The following PLXNA2 variants were observed in gnomAD, a reference collection of about 807,000 sequenced individuals.
PLXNA2 encodes plexin-A2.
A neutral mutation model predicts 193.5 loss-of-function variants in PLXNA2; 91 were observed. The ratio of observed to expected loss-of-function variants is 0.47; its 90% CI spans 0.40 to 0.56. The LOEUF (loss-of-function observed/expected upper bound fraction) is 0.56, where lower values mean the gene tolerates loss of function less well. Among genes scored for constraint, PLXNA2 ranks in the 20% least tolerant of loss-of-function variants. The pLI, the probability that PLXNA2 is intolerant of heterozygous loss-of-function variation, is 0.00. For missense variants in PLXNA2, 1,995 were observed against 2,503.2 expected, an observed-to-expected ratio of 0.80 and a Z score of 4.33; for synonymous variants, 997 against 1,027.3, an observed-to-expected ratio of 0.97 and a Z score of 0.56.
intron 4 of PLXNA2, among the ~76,000 whole-genome samples, chr1:208,138,308 G>A (rs1668361160): frequency 6.6e-6 from 1 of 152,186 alleles, no homozygotes; most frequent in Admixed American, 6.5e-5. Context: ...AGTTGGCTTC[G>A]TGTTAGATGA....
intron 3 of PLXNA2, among the ~76,000 whole-genome samples, chr1:208,199,769 C>T (rs1670481312): frequency 1.3e-5 from 2 of 152,156 alleles, no homozygotes; most frequent in African/African-American, 2.4e-5. Context: ...ACCTGGGTTC[C>T]AGTCTTGCCT....
At chr1:208,119,914 T>A (rs1343763679) in intron 4 of PLXNA2, among the ~76,000 whole-genome samples, 1 of 152,220 alleles carries the variant, frequency 6.6e-6, no homozygotes, top group Non-Finnish European at 1.5e-5. Flanking sequence ...GCACCTGGCC[T>A]TCTCCGGAAC....
intron 5 of PLXNA2, among the ~76,000 whole-genome samples, chr1:208,102,598 G>C (rs1667131380): frequency 6.6e-6 from 1 of 152,136 alleles, no homozygotes; most frequent in African/African-American, 2.4e-5. Flanking sequence ...GCCTTTTCTG[G>C]GCTTCCTTAT....
chr1:208,051,083 T>G lies in PLXNA2; in HGVS notation c.3181A>C (p.Ile1061Leu). 1.9e-6 allele frequency: 3 copies of G among 1,614,102 alleles called. No individual in the cohort carries two copies. The highest frequency in any genetic ancestry group is 2.5e-6 in the Non-Finnish European group (3 of 1,179,962). Residue 1061 changes from isoleucine to leucine, a missense_variant, in exon 17 of 32, where the codon ATC (isoleucine) becomes CTC (leucine). By Grantham distance (5) the Ile-to-Leu change is conservative. Coordinates refer to ENST00000367033, the MANE Select transcript of PLXNA2 (RefSeq NM_025179.4). The part of the protein sequence containing the change: ...SIASGHTPLT[I>L]TGFNLDVIQE... ...ATGACATCCAGGTTGAAGCCTGTGATGGTCAGGGGTGTGTGGCCACTGAAA... is the reference window on the plus strand; with the variant it reads ...ATGACATCCAGGTTGAAGCCTGTGAGGGTCAGGGGTGTGTGGCCACTGAAA...
In PLXNA2 at chr1:208,082,557, AG is replaced by A. The variant is rs776319765; in HGVS notation, c.2299-50del. The stretch of plus-strand genomic sequence containing the variant: ...TGGGGCTCATGTGGCTCTCTATCAC[AG>A]GGGTCAGGGATGCAGACAAACCCTG... On this transcript the variant is annotated intron_variant, in intron 10 of 31. Transcript: ENST00000367033. This position sits in a 1 kb window ranked among gnomAD's most constrained non-coding sequence, Gnocchi z 4.2. 17 of 1,353,258 alleles carry A rather than the reference AG, an allele frequency of 1.3e-5. No individual in the cohort carries two copies. In the East Asian group the frequency reaches 3.2e-4, roughly 26 times the overall value. The allele number at this position is 1,353,258 out of a possible 1,614,324, so 83.8% of individuals were successfully genotyped here.
intron 29 of PLXNA2, 59 bp downstream of exon 29, chr1:208,031,531 C>T: frequency 1.3e-6 from 2 of 1,588,580 alleles, no homozygotes; most frequent in East Asian, 2.2e-5. Flanking sequence ...TGGTCCTCAT[C>T]CCTCTTAGCT....
rs1323600270 is a variant in PLXNA2 at position 208,060,754 on chromosome 1, G to A, written c.2670C>T (p.Ile890=). The stretch of plus-strand genomic sequence containing the variant: ...CCCCAGCCACCTGCACATGGTGGGC[G>A]ATCTCGGAGAAGTCCAGACCCAGGT... ...GVNLGLDFSE[I]AHHVQVAGVP... is the part of the protein sequence containing the mutation. The change falls in exon 13 of 32, where the codon ATC becomes ATT. Residue 890 remains isoleucine, a synonymous_variant. Transcript: ENST00000367033. 6 of 1,614,054 alleles carry A rather than the reference G, an allele frequency of 3.7e-6. No individual in the cohort carries two copies. The highest frequency in any genetic ancestry group is 1.3e-5 in the African/African-American group (1 of 75,038).
chr1:208,068,766 G>C (rs1468447806), intron 12 of PLXNA2, among the ~76,000 whole-genome samples: 1 of 152,192 alleles, frequency 6.6e-6, no homozygotes, highest in African/African-American at 2.4e-5. Context: ...ATGTTCTTTT[G>C]TGTTTTCCTC....
At chr1:208,225,494 G>T (rs553822444) in intron 1 of PLXNA2, among the ~76,000 whole-genome samples, 1 of 152,096 alleles carries the variant, frequency 6.6e-6, no homozygotes, top group Non-Finnish European at 1.5e-5. Flanking sequence ...TTTTATTTTT[G>T]TAGAGATGAG....
At chr1:208,067,446 A>G (rs1301157786) in intron 12 of PLXNA2, among the ~76,000 whole-genome samples, 1 of 152,150 alleles carries the variant, frequency 6.6e-6, no homozygotes, top group Non-Finnish European at 1.5e-5. Context: ...TACTGTGTTT[A>G]TAGTCTATGG....
At chr1:208,160,942 A>G (rs1669090001) in intron 3 of PLXNA2, among the ~76,000 whole-genome samples, 1 of 152,252 alleles carries the variant, frequency 6.6e-6, no homozygotes, top group South Asian at 2.1e-4. Flanking sequence ...GCATGAGGGA[A>G]TCACATCAGG....
At chr1:208,215,615 AATAG>A (rs1349088967) in intron 2 of PLXNA2, among the ~76,000 whole-genome samples, 1 of 151,378 alleles carries the variant, frequency 6.6e-6, no homozygotes, top group Non-Finnish European at 1.5e-5. Flanking sequence ...TAAATAGGTG[AATAG>A]ATGGATGGAT....
intron 4 of PLXNA2, among the ~76,000 whole-genome samples, chr1:208,114,813 A>C (rs549773354): frequency 6.6e-6 from 1 of 152,232 alleles, no homozygotes; most frequent in African/African-American, 2.4e-5. Context: ...GCAGTGAGTG[A>C]GTAGATGAGT....
At chr1:208,049,269 A>C (rs771703107) in intron 17 of PLXNA2, among the ~76,000 whole-genome samples, 25 of 151,746 alleles carry the variant, frequency 1.6e-4, no homozygotes, top group Admixed American at 2.0e-4. Context: ...GAATAACAAT[A>C]AAACCTATAT....
intron 27 of PLXNA2, 76 bp from the exon 28 acceptor site, chr1:208,033,585 GC>G: frequency 8.1e-7 from 1 of 1,236,828 alleles, no homozygotes; most frequent in Non-Finnish European, 1.1e-6. Context: ...CAGAATCCCT[GC>G]CCGCCTGCTG....
At position 208,142,344 on chromosome 1, in the gene PLXNA2, G is replaced by C; in HGVS notation, c.1491C>G (p.Val497=). The part of the protein sequence containing the change: ...AFSIDQRYLY[V]MSERQVTRVP... ...TAGCACTTACCTGTCTCTCAGACAT[G>C]ACGTACAGGTAGCGCTGATCAATGG... Residue 497 remains valine (V), a synonymous_variant, in exon 4 of 32, where the codon GTC becomes GTG. Transcript: ENST00000367033. The C allele has an allele frequency of 6.2e-7, 1 of 1,603,780 alleles. No homozygotes were observed. Among genetic ancestry groups the C allele is most frequent in the South Asian group, 1.1e-5 (1 of 89,076 alleles).
At chr1:208,100,163 C>T (rs1667048796) in intron 5 of PLXNA2, among the ~76,000 whole-genome samples, 2 of 151,972 alleles carry the variant, frequency 1.3e-5, no homozygotes, top group Admixed American at 6.6e-5. Context: ...TTGCTTGAGC[C>T]TATGAGTTCA....
chr1:208,038,072 T>C lies in PLXNA2; in HGVS notation c.4764+299A>G, dbSNP rs1664729945. ...ATATGCATTTGATTTTTGTTGTTGT[T>C]GTTGTTTTGTTTTGTTTTTTTGCAA... On this transcript the variant is annotated intron_variant, in intron 26 of 31. Coordinates refer to ENST00000367033, the MANE Select transcript of PLXNA2 (RefSeq NM_025179.4). The surrounding 1 kb of genome is among the most constrained non-coding windows in gnomAD (Gnocchi z 4.1). 6.6e-6 allele frequency among the ~76,000 whole-genome samples: 1 copy of C among 152,198 alleles called. No homozygotes were observed. The highest frequency in any genetic ancestry group is 2.4e-5 in the African/African-American group (1 of 41,432).
rs1481778630 is a variant in PLXNA2, at chr1:208,135,414, G to A, written c.1506+6915C>T. ...GCAAGATGAGACAATATTGCCACAG[G>A]AAGACTGCCTGGAGAGCTATTTATA... is the stretch of plus-strand genomic sequence containing the variant. On this transcript the variant is annotated intron_variant, in intron 4 of 31. Coordinates refer to ENST00000367033, the MANE Select transcript of PLXNA2 (RefSeq NM_025179.4). Among the ~76,000 whole-genome samples, 4 of 152,272 alleles carry A rather than the reference G, an allele frequency of 2.6e-5. No homozygotes were observed. In the East Asian group the frequency reaches 5.8e-4, roughly 22 times the overall value.
Sources: gnomAD v4.1 joint callset for allele counts (sites outside exome capture counted in the v4.1 genomes callset) on GRCh38, gnomAD v4.1.1 for gene constraint, Gnocchi (gnomAD v3.1) non-coding constraint, MANE v1.5 for transcripts, NCBI Gene and HGNC (gene_info 2026-07-23, HGNC 2026-07-21) for gene names.